RNF216: variants seen among roughly 807,000 people sequenced by gnomAD.
RNF216 encodes the protein E3 ubiquitin-protein ligase RNF216.
In RNF216, 72 loss-of-function variants were observed where a neutral mutation model predicts 110.8. The observed-to-expected ratio is 0.65, with a 90% CI of 0.54 to 0.79. RNF216 has a LOEUF of 0.79. Ranked by LOEUF, RNF216 falls within the 30% of genes least tolerant of loss-of-function variation. RNF216 has a pLI of 0.00. For synonymous variants in RNF216, 495 were observed against 407.5 expected (o/e 1.21, Z -2.59); for missense variants, 1,342 against 1,141.2 (o/e 1.18, Z -2.54).
rs1176157187 is a variant in RNF216 at position 5,760,447 on chromosome 7, C to G, written c.67+556G>C. ...CGGAGAATCATTTGAACCCAGGAGG[C>G]GGAGCTCGTGGTGAGTCGAGATTAC... On this transcript the variant is annotated intron_variant, in intron 2 of 16. Transcript: ENST00000389902. 1.0e-5 allele frequency: 4 copies of G among 385,316 alleles called. No individual in the cohort carries two copies. In the East Asian group the frequency reaches 3.3e-4, roughly 32 times the overall value. The allele number at this position is 385,316 out of a possible 1,614,324, so 23.9% of individuals were successfully genotyped here.
chr7:5,650,786 C>A (rs577199238), intron 14 of RNF216, among the ~76,000 whole-genome samples: 71 of 152,290 alleles, frequency 4.7e-4, no homozygotes, highest in African/African-American at 1.4e-3. Context: ...CAGATAACCT[C>A]CCCATCTCAA....
intron 16 of RNF216, 79 bp downstream of exon 16, chr7:5,623,977 A>T: frequency 1.6e-6 from 2 of 1,255,032 alleles, no homozygotes; most frequent in Non-Finnish European, 2.3e-6. Context: ...GTTGAGTGCC[A>T]GGACACTCAG....
In RNF216 at chr7:5,725,215, C is replaced by T. The variant is rs867843567; in HGVS notation, c.1504+109G>A. Reference sequence around the variant, plus strand: ...CCTGTCAGTCACTCCTTGGACTGGCCTGTCCAGATGCTCAGCAGACACCTG... The same window carrying T: ...CCTGTCAGTCACTCCTTGGACTGGCTTGTCCAGATGCTCAGCAGACACCTG... On this transcript the variant is annotated intron_variant, in intron 8 of 16. Transcript: ENST00000389902. 18 of 667,842 alleles carry T rather than the reference C, an allele frequency of 2.7e-5. No homozygotes were observed. The Middle Eastern group carries it at 2.8e-3, about 104-fold the overall frequency. The allele number at this position is 667,842 out of a possible 1,614,324, so 41.4% of individuals were successfully genotyped here. A position where few individuals can be genotyped will look rare whatever the true frequency, so the allele number is the denominator to read the frequency against.
At chr7:5,643,793 T>A (rs1166183957) in intron 14 of RNF216, among the ~76,000 whole-genome samples, 1 of 152,222 alleles carries the variant, frequency 6.6e-6, no homozygotes, top group Non-Finnish European at 1.5e-5. Context: ...GAGACTTTTA[T>A]AACCCCAAAA....
intron 1 of RNF216, among the ~76,000 whole-genome samples, chr7:5,777,872 T>TA (rs1436699378): frequency 6.6e-6 from 1 of 152,208 alleles, no homozygotes; most frequent in Non-Finnish European, 1.5e-5. Context: ...CAATTTAACA[T>TA]AAAACATCAA....
chr7:5,674,954 G>A (rs563524082), intron 13 of RNF216, among the ~76,000 whole-genome samples: 8 of 148,684 alleles, frequency 5.4e-5, no homozygotes, highest in East Asian at 4.1e-4. Flanking sequence ...CTGAGATCGC[G>A]CCACTGCACT....
At chr7:5,715,014 T>A (rs780765305) in intron 11 of RNF216, 39 bp downstream of exon 11, 2 of 1,562,658 alleles carry the variant, frequency 1.3e-6, no homozygotes, top group Admixed American at 3.5e-5. Context: ...ACTCCAGGAA[T>A]GTGTCCTATA....
At chr7:5,639,190 G>T (rs1019725542) in intron 15 of RNF216, among the ~76,000 whole-genome samples, 1 of 152,096 alleles carries the variant, frequency 6.6e-6, no homozygotes, top group African/African-American at 2.4e-5. Context: ...AGGGAAGCAG[G>T]CTCTTTAGCC....
In RNF216 at chr7:5,715,205, G is replaced by C; in HGVS notation, c.1696-15C>G. On this transcript the variant is annotated splice_polypyrimidine_tract_variant and intron_variant, in intron 10 of 16. Coordinates refer to ENST00000389902, the MANE Select transcript of RNF216 (RefSeq NM_207111.4). ...AGCTGGCCATCCTGCAGGCAGTCAA[G>C]AAACACACATGAAATGTCCTGCACT... is the stretch of plus-strand genomic sequence containing the variant. 1.9e-6 allele frequency: 3 copies of C among 1,610,838 alleles called. No homozygotes were observed. The highest frequency in any genetic ancestry group is 1.7e-6 in the Non-Finnish European group (2 of 1,179,194).
chr7:5,661,895 G>C (rs1206860946), intron 13 of RNF216, among the ~76,000 whole-genome samples: 1 of 152,236 alleles, frequency 6.6e-6, no homozygotes, highest in Admixed American at 6.5e-5. Flanking sequence ...ACATGAGTCT[G>C]TCTGATCCCA....
chr7:5,778,068 G>C (rs530073894), intron 1 of RNF216, among the ~76,000 whole-genome samples: 10 of 152,296 alleles, frequency 6.6e-5, no homozygotes, highest in African/African-American at 2.2e-4. Context: ...CCCTTGACAT[G>C]TTTTCATACG....
At chr7:5,749,760 T>C (rs1224885548) in intron 3 of RNF216, among the ~76,000 whole-genome samples, 1 of 152,234 alleles carries the variant, frequency 6.6e-6, no homozygotes, top group Non-Finnish European at 1.5e-5. Flanking sequence ...GAGTTCGTAC[T>C]ATCGGACTAA....
chr7:5,679,693 T>C (rs1319284809), intron 13 of RNF216, among the ~76,000 whole-genome samples: 2 of 152,190 alleles, frequency 1.3e-5, no homozygotes, highest in East Asian at 3.9e-4. Context: ...TCCCATGGAA[T>C]GTGCTACTGC....
intron 7 of RNF216, among the ~76,000 whole-genome samples, chr7:5,726,905 G>C (rs1338213281): frequency 6.6e-6 from 1 of 151,910 alleles, no homozygotes; most frequent in Admixed American, 6.6e-5. Context: ...CTAAAAACAG[G>C]AGGGAGAAGG....
intron 13 of RNF216, among the ~76,000 whole-genome samples, chr7:5,668,414 G>T (rs563188407): frequency 6.6e-6 from 1 of 151,946 alleles, no homozygotes; most frequent in African/African-American, 2.4e-5. Context: ...TAGTAGAGAC[G>T]GGGTTTCACC....
rs574220598 is a variant in RNF216 at position 5,690,004 on chromosome 7, A to G, written c.2061+21757T>C. Among the ~76,000 whole-genome samples the G allele has an allele frequency of 4.0e-5, 6 of 151,794 alleles. No individual in the cohort carries two copies. The East Asian group carries it at 1.2e-3, about 29-fold the overall frequency. ...GTAACCCCCCTTATTTGCCGAGTTCACCTGTATTATATTTTACTTACATCT... is the reference window on the plus strand; with the variant it reads ...GTAACCCCCCTTATTTGCCGAGTTCGCCTGTATTATATTTTACTTACATCT... On this transcript the variant is annotated intron_variant, in intron 13 of 16. Coordinates refer to ENST00000389902, the MANE Select transcript of RNF216 (RefSeq NM_207111.4).
chr7:5,718,900 T>C (rs986535989), intron 9 of RNF216, among the ~76,000 whole-genome samples: 3 of 152,102 alleles, frequency 2.0e-5, no homozygotes, highest in Admixed American at 2.0e-4. Flanking sequence ...CTCAAGTGAT[T>C]GCCTGCCTTG....
At chr7:5,691,498 G>T (rs1354111685) in intron 13 of RNF216, among the ~76,000 whole-genome samples, 3 of 152,130 alleles carry the variant, frequency 2.0e-5, no homozygotes, top group Admixed American at 6.5e-5. Context: ...GTGGGGGTGG[G>T]GAAGGCAGTG....
rs1010149581 is a variant in RNF216 at position 5,741,573 on chromosome 7, T to C, written c.444A>G (p.Pro148=). ...GPPGISEFTK[P]SGQTEREPKP... The stretch of plus-strand genomic sequence containing the variant: ...TGGGTTCTCTTTCTGTTTGGCCACT[T>C]GGCTTAGTGAATTCAGAGATTCCAG... Residue 148 remains proline (P), a synonymous_variant, in exon 4 of 17, where the codon CCA becomes CCG. Transcript: ENST00000389902. 4 of 1,614,076 alleles carry C rather than the reference T, an allele frequency of 2.5e-6. No individual in the cohort carries two copies. In the African/African-American group the frequency reaches 4.0e-5, roughly 16 times the overall value.
Sources: gnomAD v4.1 joint callset for allele counts (sites outside exome capture counted in the v4.1 genomes callset) on GRCh38, gnomAD v4.1.1 for gene constraint, MANE v1.5 for transcripts, NCBI Gene and HGNC (gene_info 2026-07-23, HGNC 2026-07-21) for gene names.